ADGRL4: variants seen among roughly 807,000 people sequenced by gnomAD.
ADGRL4 encodes the protein EGF, latrophilin and seven transmembrane domain containing 1.
A neutral mutation model predicts 74.8 loss-of-function variants in ADGRL4; 90 were observed. The observed-to-expected ratio is 1.20, with a 90% CI of 1.02 to 1.43. The LOEUF (loss-of-function observed/expected upper bound fraction) is 1.43, where lower values mean the gene tolerates loss of function less well. Ranked by LOEUF, ADGRL4 falls within the 40% of genes most tolerant of loss-of-function variation. The probability of loss-of-function intolerance (pLI) is 0.00; values close to 1 mark genes in which losing one functional copy is unlikely to be tolerated. For missense variants in ADGRL4, 881 were observed against 814.3 expected (o/e 1.08, Z -1.00); for synonymous variants, 311 against 279.2 (o/e 1.11, Z -1.14).
chr1:78,908,336 A>G (rs1381939446), intron 12 of ADGRL4, among the ~76,000 whole-genome samples: 2 of 152,050 alleles, frequency 1.3e-5, no homozygotes, highest in Admixed American at 1.3e-4. Flanking sequence ...AGGAGCTTGA[A>G]GGTTTTGTCT....
Position 79,006,707 on chromosome 1 carries a change from G to T in ADGRL4, c.-53C>A. On this transcript the variant is annotated 5_prime_UTR_variant, in exon 1 of 15. Coordinates refer to ENST00000370742, the MANE Select transcript of ADGRL4 (RefSeq NM_022159.4). ...CGGAGAGCGCGGCGGAGTGAGTGCGGCTGTGGACCCGGGACCGGGCGCCGC... is the reference window on the plus strand; with the variant it reads ...CGGAGAGCGCGGCGGAGTGAGTGCGTCTGTGGACCCGGGACCGGGCGCCGC... The T allele has an allele frequency of 7.0e-7, 1 of 1,422,532 alleles. No homozygotes were observed. Among genetic ancestry groups the T allele is most frequent in the East Asian group, 2.9e-5 (1 of 33,902 alleles). 88.1% of individuals were successfully genotyped at this position (1,422,532 alleles called of 1,614,324 possible).
chr1:78,923,633 T>C (rs1649046498), intron 8 of ADGRL4, among the ~76,000 whole-genome samples: 1 of 151,822 alleles, frequency 6.6e-6, no homozygotes. Flanking sequence ...AAGCAGAAAA[T>C]AGCTTTTTTA....
intron 2 of ADGRL4, among the ~76,000 whole-genome samples, chr1:78,968,660 G>A (rs1009659157): frequency 1.4e-4 from 22 of 152,276 alleles, no homozygotes; most frequent in African/African-American, 5.1e-4. Flanking sequence ...CTTCTTTGGT[G>A]TCTGTGAGGA....
At chr1:78,947,907 C>A (rs1361399403) in intron 2 of ADGRL4, among the ~76,000 whole-genome samples, 1 of 152,084 alleles carries the variant, frequency 6.6e-6, no homozygotes, top group Non-Finnish European at 1.5e-5. Context: ...GCATTTAATT[C>A]ATATACTGGC....
intron 2 of ADGRL4, among the ~76,000 whole-genome samples, chr1:78,960,456 C>T (rs539068668): frequency 2.0e-5 from 3 of 151,892 alleles, no homozygotes; most frequent in South Asian, 2.1e-4. Context: ...ATTATAGCCC[C>T]GACACTCTTA....
intron 7 of ADGRL4, among the ~76,000 whole-genome samples, chr1:78,927,925 G>A (rs1370602923): frequency 6.6e-6 from 1 of 151,636 alleles, no homozygotes; most frequent in African/African-American, 2.4e-5. Context: ...TTACATAAAA[G>A]ATTTTCCTCA....
At chr1:78,951,351 C>T (rs1254322966) in intron 2 of ADGRL4, among the ~76,000 whole-genome samples, 2 of 152,090 alleles carry the variant, frequency 1.3e-5, no homozygotes, top group African/African-American at 4.8e-5. Context: ...AAAAGGAAGC[C>T]TCTCCACATA....
intron 2 of ADGRL4, among the ~76,000 whole-genome samples, chr1:79,002,651 T>C (rs1229942202): frequency 6.6e-6 from 1 of 152,084 alleles, no homozygotes; most frequent in Non-Finnish European, 1.5e-5. Flanking sequence ...AAACAAGTGG[T>C]AGAGCTAATA....
intron 7 of ADGRL4, among the ~76,000 whole-genome samples, chr1:78,933,554 A>T (rs1450503934): frequency 6.6e-6 from 1 of 151,444 alleles, no homozygotes; most frequent in East Asian, 1.9e-4. Flanking sequence ...ACTCTTATTC[A>T]ATGTAGTATT....
At chr1:78,961,231 C>T (rs1282123145) in intron 2 of ADGRL4, among the ~76,000 whole-genome samples, 1 of 151,938 alleles carries the variant, frequency 6.6e-6, no homozygotes, top group Non-Finnish European at 1.5e-5. Context: ...CAACCTCTGA[C>T]TCATGGGTTC....
chr1:78,901,965 T>A (rs144689962), intron 12 of ADGRL4, among the ~76,000 whole-genome samples: 4,414 of 152,202 alleles, frequency 0.029, 102 homozygotes, highest in Non-Finnish European at 0.04. Context: ...TGAAAAAAAT[T>A]AAGTGATCTG....
intron 2 of ADGRL4, among the ~76,000 whole-genome samples, chr1:78,995,086 C>A (rs1206902898): frequency 6.6e-6 from 1 of 152,114 alleles, no homozygotes; most frequent in Admixed American, 6.6e-5. Context: ...GATTTGTGCA[C>A]CATCTTATTC....
chr1:79,004,303 G>A (rs545660330), intron 2 of ADGRL4, among the ~76,000 whole-genome samples: 46 of 152,026 alleles, frequency 3.0e-4, no homozygotes, highest in African/African-American at 1.1e-3. Context: ...CAGGACGTTG[G>A]TCTATGGATC....
At chr1:78,912,187 A>G (rs1648776165) in intron 12 of ADGRL4, among the ~76,000 whole-genome samples, 1 of 151,898 alleles carries the variant, frequency 6.6e-6, no homozygotes, top group South Asian at 2.1e-4. Flanking sequence ...AATATTGAGT[A>G]AGATGCGGTA....
chr1:78,938,079 G>A (rs771388211), intron 5 of ADGRL4, 21 bp downstream of exon 5: 2 of 1,610,466 alleles, frequency 1.2e-6, no homozygotes, highest in Admixed American at 1.7e-5. Flanking sequence ...ATTATATTGA[G>A]TTAAAGCTGA....
intron 3 of ADGRL4, among the ~76,000 whole-genome samples, chr1:78,943,470 T>C (rs544510024): frequency 3.8e-4 from 58 of 152,340 alleles, no homozygotes; most frequent in African/African-American, 1.3e-3. Context: ...AATGAACTTA[T>C]GTGTCGAAAA....
intron 7 of ADGRL4, among the ~76,000 whole-genome samples, chr1:78,930,043 G>A (rs1327876161): frequency 6.6e-6 from 1 of 151,348 alleles, no homozygotes; most frequent in Non-Finnish European, 1.5e-5. Flanking sequence ...ATGGGAGCAT[G>A]ACTTAGTTAT....
chr1:78,965,968 T>C (rs1650047452), intron 2 of ADGRL4, among the ~76,000 whole-genome samples: 1 of 147,430 alleles, frequency 6.8e-6, no homozygotes, highest in African/African-American at 2.5e-5. Context: ...TATTTCATTT[T>C]AACAGTGATG....
intron 7 of ADGRL4, among the ~76,000 whole-genome samples, chr1:78,931,901 A>G (rs1469384951): frequency 6.6e-6 from 1 of 151,496 alleles, no homozygotes; most frequent in Non-Finnish European, 1.5e-5. Flanking sequence ...ATATATATGC[A>G]CCCGATACAG....
Sources: gnomAD v4.1 joint callset for allele counts (sites outside exome capture counted in the v4.1 genomes callset) on GRCh38, gnomAD v4.1.1 for gene constraint, MANE v1.5 for transcripts, NCBI Gene and HGNC (gene_info 2026-07-23, HGNC 2026-07-21) for gene names.